The following SLC18A1 variants were observed in gnomAD, a reference collection of about 807,000 sequenced individuals.
SLC18A1 encodes chromaffin granule amine transporter.
A neutral mutation model predicts 53.7 loss-of-function variants in SLC18A1; 69 were observed. The observed-to-expected ratio is 1.28, with a 90% CI of 1.06 to 1.57. The LOEUF (loss-of-function observed/expected upper bound fraction) is 1.57. Ranked by LOEUF, SLC18A1 falls within the 40% of genes most tolerant of loss-of-function variation. The pLI, the probability that SLC18A1 is intolerant of heterozygous loss-of-function variation, is 0.00. For synonymous variants in SLC18A1, 320 were observed against 248.1 expected, an observed-to-expected ratio of 1.29 and a Z score of -2.72; for missense variants, 932 against 668.1, an observed-to-expected ratio of 1.40 and a Z score of -4.35.
chr8:20,180,763 T>C, intron 2 of SLC18A1, 78 bp downstream of exon 2: 16 of 1,560,376 alleles, frequency 1.0e-5, no homozygotes, highest in African/African-American at 2.7e-5. Flanking sequence ...GGATTCACTG[T>C]TGAACTCAAG....
chr8:20,177,479 G>C (rs1036262744), intron 4 of SLC18A1, among the ~76,000 whole-genome samples: 1 of 152,140 alleles, frequency 6.6e-6, no homozygotes. Flanking sequence ...TCACACACCG[G>C]GGCCTGTCAT....
intron 12 of SLC18A1, 22 bp downstream of exon 12, chr8:20,149,654 C>T: frequency 6.2e-7 from 1 of 1,600,864 alleles, no homozygotes; most frequent in South Asian, 1.1e-5. Context: ...CCTTCCCCTC[C>T]CCCAGGTCTT....
chr8:20,171,372 T>A lies in SLC18A1; in HGVS notation c.814+33A>T, dbSNP rs755014512. On this transcript the variant is annotated intron_variant, in intron 7 of 15. Transcript: ENST00000276373. ...AATGCATTCCCAACCTGACCTGGGC[T>A]GTCACCTGCTGGAGGCTCTGATGGT... The A allele has an allele frequency of 1.3e-5, 20 of 1,566,886 alleles. 1 individual carries two copies. The South Asian group carries it at 2.2e-4, about 17-fold the overall frequency.
At chr8:20,160,973 C>G (rs1192557244) in intron 10 of SLC18A1, among the ~76,000 whole-genome samples, 3 of 152,280 alleles carry the variant, frequency 2.0e-5, no homozygotes, top group African/African-American at 7.2e-5. Flanking sequence ...AGGTGGTGCC[C>G]CTAGGACTTT....
chr8:20,180,776 G>A (rs2072404849), intron 2 of SLC18A1, 65 bp downstream of exon 2: 1 of 1,597,248 alleles, frequency 6.3e-7, no homozygotes, highest in African/African-American at 1.3e-5. Flanking sequence ...AACTCAAGCA[G>A]GGTGTACACT....
chr8:20,174,496 C>T lies in SLC18A1; in HGVS notation c.548-52G>A, dbSNP rs2072208723. 4.9e-6 allele frequency: 6 copies of T among 1,232,662 alleles called. No homozygotes were observed. The Admixed American group carries it at 6.9e-5, about 14-fold the overall frequency. The allele number at this position is 1,232,662 out of a possible 1,614,324, so 76.4% of individuals were successfully genotyped here. A position where few individuals can be genotyped will look rare whatever the true frequency, so the allele number is the denominator to read the frequency against. ...TGCAGTTAGCAAATTGCCTTTGCTT[C>T]CCCAGCCGCCAGAGAACATGCCCGT... On this transcript the variant is annotated intron_variant, in intron 4 of 15. Transcript: ENST00000276373.
At chr8:20,147,495 C>G (rs370777864) in intron 14 of SLC18A1, 104 bp from the exon 15 acceptor site, 23 of 1,577,260 alleles carry the variant, frequency 1.5e-5, no homozygotes, top group Non-Finnish European at 2.0e-5. Flanking sequence ...CAGAGGATGT[C>G]TCAGCGTCAA....
At chr8:20,146,907 T>C (rs2071416612) in intron 15 of SLC18A1, among the ~76,000 whole-genome samples, 1 of 151,838 alleles carries the variant, frequency 6.6e-6, no homozygotes, top group South Asian at 2.1e-4. Context: ...AATGGAATTC[T>C]GCCCACTTAT....
chr8:20,159,211 C>A (rs759300262), intron 10 of SLC18A1, among the ~76,000 whole-genome samples: 1 of 152,286 alleles, frequency 6.6e-6, no homozygotes, highest in South Asian at 2.1e-4. Context: ...AACTGCATGA[C>A]CCCTACTATG....
intron 10 of SLC18A1, among the ~76,000 whole-genome samples, chr8:20,155,356 C>T (rs2071656777): frequency 6.6e-6 from 1 of 152,178 alleles, no homozygotes; most frequent in Non-Finnish European, 1.5e-5. Context: ...ATTAGCGTGG[C>T]TGCTGGACTT....
At chr8:20,180,191 G>A (rs539560330) in intron 2 of SLC18A1, among the ~76,000 whole-genome samples, 2 of 150,550 alleles carry the variant, frequency 1.3e-5, no homozygotes, top group South Asian at 4.2e-4. Context: ...TGTTTGCAGC[G>A]ACTTTATAGA....
chr8:20,149,599 T>TCC, intron 12 of SLC18A1, 77 bp downstream of exon 12: 34 of 1,152,840 alleles, frequency 2.9e-5, no homozygotes, highest in East Asian at 4.9e-5. Context: ...CCTCTCTCTC[T>TCC]CTCTCTCTCT....
chr8:20,147,326 C>G lies in SLC18A1; in HGVS notation c.1396G>C (p.Val466Leu). Reference sequence around the variant, plus strand: ...AGTGGAGCATAGACGATGTTGATGACCCCAGTGATGACCATGAGCCAGGGA... The same window carrying G: ...AGTGGAGCATAGACGATGTTGATGAGCCCAGTGATGACCATGAGCCAGGGA... ...GFPWLMVITG[V>L]INIVYAPLCY... Residue 466 changes from valine to leucine, a missense_variant, in exon 15 of 16, where the codon GTC becomes CTC. Physicochemically the swap from Val to Leu is conservative, Grantham distance 32 (BLOSUM62 1). Coordinates refer to ENST00000276373, the MANE Select transcript of SLC18A1 (RefSeq NM_003053.4). 1 of 1,613,600 alleles carries G rather than the reference C, an allele frequency of 6.2e-7. No homozygotes were observed. The highest frequency in any genetic ancestry group is 1.7e-5 in the Admixed American group (1 of 59,946).
chr8:20,153,476 G>T (rs976112205), intron 10 of SLC18A1, among the ~76,000 whole-genome samples: 1 of 152,096 alleles, frequency 6.6e-6, no homozygotes, highest in Non-Finnish European at 1.5e-5. Flanking sequence ...AGGAGATCAA[G>T]ACCATCCTAG....
intron 10 of SLC18A1, among the ~76,000 whole-genome samples, chr8:20,163,852 C>T (rs1198327407): frequency 6.6e-6 from 1 of 152,108 alleles, no homozygotes; most frequent in African/African-American, 2.4e-5. Flanking sequence ...TGGTAACTGG[C>T]AACTGAGAAT....
chr8:20,170,677 C>T (rs1410492935), intron 8 of SLC18A1, among the ~76,000 whole-genome samples: 1 of 152,104 alleles, frequency 6.6e-6, no homozygotes, highest in East Asian at 1.9e-4. Flanking sequence ...CCCCCACAGC[C>T]TTCATCTCTG....
At chr8:20,179,682 A>G (rs57312342) in intron 2 of SLC18A1, among the ~76,000 whole-genome samples, 198 bp from the exon 3 acceptor site, 44,428 of 152,126 alleles carry the variant, frequency 0.29, 7,075 homozygotes, top group Non-Finnish European at 0.36. Flanking sequence ...CAAGGCTGGT[A>G]TCTGGAGTGG....
rs1424988343 is a variant in SLC18A1 at position 20,145,804 on chromosome 8, G to A, written c.1537C>T (p.Leu513=). The A allele has an allele frequency of 1.2e-6, 2 of 1,612,340 alleles. No homozygotes were observed. Among genetic ancestry groups the A allele is most frequent in the Non-Finnish European group, 8.5e-7 (1 of 1,179,204 alleles). Residue 513 remains leucine, a synonymous_variant, in exon 16 of 16, where the codon CTG becomes TTG. Coordinates refer to ENST00000276373, the MANE Select transcript of SLC18A1 (RefSeq NM_003053.4). ...ATQKPTKEFP[L]GEDSDEEPDH... is the part of the protein sequence containing the mutation. The stretch of plus-strand genomic sequence containing the variant: ...GGCTCCTCATCACTGTCCTCCCCCA[G>A]AGGAAATTCCTTCGTGGGCTTCTGG...
rs1192971997 is a variant in SLC18A1, at chr8:20,150,830, C to T, written c.1016-86G>A. 6 of 1,208,506 alleles carry T rather than the reference C, an allele frequency of 5.0e-6. No homozygotes were observed. In the African/African-American group the frequency reaches 8.9e-5, roughly 18 times the overall value. The allele number at this position is 1,208,506 out of a possible 1,614,324, so 74.9% of individuals were successfully genotyped here. ...CTCGTACAAGACACTGAAGTCCACC[C>T]CTGTAACCTTCCAAGATCCCCAAAC... On this transcript the variant is annotated intron_variant, in intron 10 of 15. Coordinates refer to ENST00000276373, the MANE Select transcript of SLC18A1 (RefSeq NM_003053.4).
Sources: gnomAD v4.1 joint callset for allele counts (sites outside exome capture counted in the v4.1 genomes callset) on GRCh38, gnomAD v4.1.1 for gene constraint, MANE v1.5 for transcripts, NCBI Gene and HGNC (gene_info 2026-07-23, HGNC 2026-07-21) for gene names.